SLC25A27: variants seen among roughly 807,000 people sequenced by gnomAD.
The protein encoded by SLC25A27 is solute carrier family 25 member 27.
A neutral mutation model predicts 49.1 loss-of-function variants in SLC25A27; 35 were observed. That is an observed-to-expected ratio of 0.71 (90% CI 0.54 to 0.95). The LOEUF is 0.95. SLC25A27 is among the 40% of genes least tolerant of loss of function. SLC25A27 has a pLI of 0.00. For missense variants in SLC25A27, 339 were observed against 397.1 expected, an observed-to-expected ratio of 0.85 and a Z score of 1.24; for synonymous variants, 144 against 136.9, an observed-to-expected ratio of 1.05 and a Z score of -0.36.
chr6:46,673,798 C>T (rs952794717), intron 8 of SLC25A27, among the ~76,000 whole-genome samples: 2 of 152,068 alleles, frequency 1.3e-5, no homozygotes, highest in African/African-American at 4.8e-5. Context: ...AGCCCGGGAA[C>T]AATGTGCTAA....
intron 8 of SLC25A27, among the ~76,000 whole-genome samples, chr6:46,674,003 GA>G (rs1763657579): frequency 6.6e-6 from 1 of 152,080 alleles, no homozygotes. Context: ...GTGAGGGACA[GA>G]AAAAAGCAAA....
rs1225785004 is a variant in SLC25A27 at position 46,678,050 on chromosome 6, ATATATATATATATATGC to A, written c.*1598_*1614del. 2 of 67,224 alleles carry A rather than the reference ATATATATATATATATGC, an allele frequency of 3.0e-5. No homozygotes were observed. The highest frequency in any genetic ancestry group is 6.2e-5 in the Non-Finnish European group (2 of 32,110). The allele number at this position is 67,224 out of a possible 1,614,324, so 4.2% of individuals were successfully genotyped here. On this transcript the variant is annotated 3_prime_UTR_variant, in exon 9 of 9. Coordinates refer to ENST00000371347, the MANE Select transcript of SLC25A27 (RefSeq NM_004277.5). ...AAATATTATATATATATATATATATATATATATATATATATGCTTAACTTCCCAAGTGTTCTGCATTG... is the reference window on the plus strand; with the variant it reads ...AAATATTATATATATATATATATATATTAACTTCCCAAGTGTTCTGCATTG...
chr6:46,662,610 C>CT, intron 4 of SLC25A27, 112 bp downstream of exon 4: 1 of 1,130,144 alleles, frequency 8.8e-7, no homozygotes, highest in Non-Finnish European at 1.3e-6. Flanking sequence ...TTACTTCTGA[C>CT]TTTTTTAATC....
intron 7 of SLC25A27, 60 bp downstream of exon 7, chr6:46,670,287 A>T (rs1158017308): frequency 9.4e-7 from 1 of 1,060,236 alleles, no homozygotes; most frequent in East Asian, 2.5e-5. Flanking sequence ...TTGTGTTTTA[A>T]AGATGCATCT....
chr6:46,662,388 T>A lies in SLC25A27; in HGVS notation c.396T>A (p.Ile132=). 3.1e-6 allele frequency: 5 copies of A among 1,613,884 alleles called. No homozygotes were observed. The highest frequency in any genetic ancestry group is 4.2e-6 in the Non-Finnish European group (5 of 1,179,866). The change falls in exon 4 of 9, where the codon ATT becomes ATA. Residue 132 remains isoleucine, a synonymous_variant. Transcript: ENST00000371347. ...DEHYPLWKSV[I]GGMMAGVIGQ... ...CTTCTGCAATTAGGAAATCAGTCAT[T>A]GGAGGGATGATGGCTGGTGTTATTG...
chr6:46,662,466 A>C lies in SLC25A27; in HGVS notation c.474A>C (p.Glu158Asp). The change falls in exon 4 of 9, where the codon GAA becomes GAC. Residue 158 changes from glutamate to aspartate, a missense_variant. Transcript: ENST00000371347. Reference protein sequence around the residue: ...TDLVKVQMQMEGKRKLEGKPL... With the variant: ...TDLVKVQMQMDGKRKLEGKPL... ...TAGTGAAGGTTCAGATGCAAATGGAAGGAAAAAGGAAACTGGAAGGAAAAC... is the reference window on the plus strand; with the variant it reads ...TAGTGAAGGTTCAGATGCAAATGGACGGAAAAAGGAAACTGGAAGGAAAAC... 2 of 1,614,072 alleles carry C rather than the reference A, an allele frequency of 1.2e-6. No individual in the cohort carries two copies. The highest frequency in any genetic ancestry group is 1.7e-6 in the Non-Finnish European group (2 of 1,179,952).
At chr6:46,657,203 C>T (rs975198512) in intron 2 of SLC25A27, among the ~76,000 whole-genome samples, 56 of 152,166 alleles carry the variant, frequency 3.7e-4, no homozygotes, top group Admixed American at 1.0e-3. Context: ...GTGGCTCACA[C>T]CTATAATCCA....
At chr6:46,665,481 C>T (rs560630730) in intron 5 of SLC25A27, among the ~76,000 whole-genome samples, 1 of 152,120 alleles carries the variant, frequency 6.6e-6, no homozygotes, top group Non-Finnish European at 1.5e-5. Context: ...CTCAGGAGAT[C>T]GAGACCATCC....
At chr6:46,660,230 C>CTGTGTGTGTGTATGTGTGTGTG (rs1554170741) in intron 3 of SLC25A27, among the ~76,000 whole-genome samples, 133 of 147,414 alleles carry the variant, frequency 9.0e-4, no homozygotes, top group African/African-American at 3.2e-3. Flanking sequence ...ACCTCTGTGT[C>CTGTGTGTGTGTATGTGTGTGTG]TGTGTGTGTG....
At chr6:46,675,304 G>T (rs896137361) in intron 8 of SLC25A27, among the ~76,000 whole-genome samples, 2 of 152,110 alleles carry the variant, frequency 1.3e-5, no homozygotes, top group Admixed American at 6.6e-5. Context: ...TTGCATAGGG[G>T]TTCTTAACTA....
chr6:46,657,833 T>G (rs1763036985), intron 2 of SLC25A27, among the ~76,000 whole-genome samples: 1 of 152,238 alleles, frequency 6.6e-6, no homozygotes, highest in Non-Finnish European at 1.5e-5. Flanking sequence ...GTAGTGTAAA[T>G]GCAACACAGG....
At chr6:46,669,342 G>A (rs569864046) in intron 6 of SLC25A27, among the ~76,000 whole-genome samples, 1 of 152,246 alleles carries the variant, frequency 6.6e-6, no homozygotes, top group East Asian at 1.9e-4. Flanking sequence ...TCACAGAAAG[G>A]GATACGAAGG....
intron 3 of SLC25A27, among the ~76,000 whole-genome samples, chr6:46,659,803 C>T (rs1211256896): frequency 6.6e-6 from 1 of 151,154 alleles, no homozygotes; most frequent in Non-Finnish European, 1.5e-5. Context: ...TGCAGTGAGC[C>T]GAGATTGCAC....
At chr6:46,667,981 T>C (rs1418469325) in intron 5 of SLC25A27, among the ~76,000 whole-genome samples, 6 of 152,202 alleles carry the variant, frequency 3.9e-5, no homozygotes, top group Admixed American at 3.9e-4. Flanking sequence ...GTTAACTTTA[T>C]ATAACTCTAG....
intron 3 of SLC25A27, among the ~76,000 whole-genome samples, chr6:46,661,592 T>C (rs1483947965): frequency 6.6e-6 from 1 of 152,224 alleles, no homozygotes; most frequent in Non-Finnish European, 1.5e-5. Flanking sequence ...GCACAAACTG[T>C]CAGTCATAAC....
chr6:46,676,368 T>G lies in SLC25A27; in HGVS notation c.901-15T>G. The G allele has an allele frequency of 3.7e-6, 6 of 1,612,542 alleles. No homozygotes were observed. The highest frequency in any genetic ancestry group is 4.2e-6 in the Non-Finnish European group (5 of 1,178,934). On this transcript the variant is annotated splice_polypyrimidine_tract_variant and intron_variant, in intron 8 of 8. Coordinates refer to ENST00000371347, the MANE Select transcript of SLC25A27 (RefSeq NM_004277.5). ...GCTTTGAAATATGCACTAACTTCTTTGGTTAATCTTTCAGACCCCTTGGTC... is the reference window on the plus strand; with the variant it reads ...GCTTTGAAATATGCACTAACTTCTTGGGTTAATCTTTCAGACCCCTTGGTC...
At position 46,670,152 on chromosome 6, in the gene SLC25A27, T is replaced by C; in HGVS notation, c.722T>C (p.Val241Ala). Reference protein sequence around the residue: ...HGLSSLCSGLVASILGTPADV... With the variant: ...HGLSSLCSGLAASILGTPADV... The stretch of plus-strand genomic sequence containing the variant: ...ATTTATAGTTTATGTTCTGGACTGG[T>C]AGCTTCTATTCTGGGAACACCAGCC... Residue 241 changes from valine (V) to alanine (A), a missense_variant, in exon 7 of 9, where the codon GTA becomes GCA. Physicochemically the swap from Val to Ala is moderately conservative, Grantham distance 64. Transcript: ENST00000371347. 1 of 1,611,670 alleles carries C rather than the reference T, an allele frequency of 6.2e-7. No homozygotes were observed. The highest frequency in any genetic ancestry group is 8.5e-7 in the Non-Finnish European group (1 of 1,178,352).
intron 6 of SLC25A27, among the ~76,000 whole-genome samples, chr6:46,669,086 T>C (rs1763426288): frequency 6.6e-6 from 1 of 152,196 alleles, no homozygotes; most frequent in African/African-American, 2.4e-5. Flanking sequence ...ACAGATATGT[T>C]TGAGTGCCTT....
intron 3 of SLC25A27, among the ~76,000 whole-genome samples, chr6:46,661,957 A>G (rs1562037181): frequency 2.0e-5 from 3 of 152,206 alleles, no homozygotes; most frequent in Non-Finnish European, 4.4e-5. Context: ...ATTTTAAAGT[A>G]AAAGGAAATA....
Sources: allele counts gnomAD v4.1 joint callset (sites outside exome capture counted in the v4.1 genomes callset), GRCh38; gene constraint gnomAD v4.1.1; transcripts MANE v1.5; gene names NCBI Gene and HGNC (gene_info 2026-07-23, HGNC 2026-07-21).